PPP2R2B: variants seen among roughly 807,000 people sequenced by gnomAD.
PPP2R2B encodes serine/threonine-protein phosphatase 2A 55 kDa regulatory subunit B beta isoform.
A neutral mutation model predicts 46.0 loss-of-function variants in PPP2R2B; 5 were observed. The ratio of observed to expected loss-of-function variants is 0.11; its 90% CI spans 0.06 to 0.23. The LOEUF (loss-of-function observed/expected upper bound fraction) is 0.23, where lower values mean the gene tolerates loss of function less well. Ranked by LOEUF, PPP2R2B falls within the 10% of genes least tolerant of loss-of-function variation. The pLI is 1.00. For synonymous variants in PPP2R2B, 215 were observed against 206.7 expected, an observed-to-expected ratio of 1.04 and a Z score of -0.34; for missense variants, 367 against 575.0, an observed-to-expected ratio of 0.64 and a Z score of 3.70.
At chr5:146,783,494 G>A (rs1362677690) in intron 2 of PPP2R2B, among the ~76,000 whole-genome samples, 2 of 152,122 alleles carry the variant, frequency 1.3e-5, no homozygotes, top group Non-Finnish European at 2.9e-5. Flanking sequence ...AATAGCATAA[G>A]CAATTTAAAA....
At chr5:146,994,909 C>T (rs1209872412) in intron 1 of PPP2R2B, among the ~76,000 whole-genome samples, 1 of 152,156 alleles carries the variant, frequency 6.6e-6, no homozygotes, top group African/African-American at 2.4e-5. Context: ...TAGGCAATTA[C>T]AATGCAGGGT....
chr5:147,006,195 ACT>A (rs907504336), intron 1 of PPP2R2B, among the ~76,000 whole-genome samples: 42 of 152,296 alleles, frequency 2.8e-4, no homozygotes, highest in African/African-American at 8.7e-4. Flanking sequence ...TGATAAGGAA[ACT>A]CTTGTAGAAG....
intron 2 of PPP2R2B, among the ~76,000 whole-genome samples, chr5:146,809,205 G>GA (rs1757380072): frequency 6.6e-6 from 1 of 152,132 alleles, no homozygotes; most frequent in Non-Finnish European, 1.5e-5. Context: ...TGGCCGTCAG[G>GA]CTTTCTGCTT....
At chr5:146,865,714 T>G (rs959146172) in intron 2 of PPP2R2B, among the ~76,000 whole-genome samples, 1 of 152,216 alleles carries the variant, frequency 6.6e-6, no homozygotes, top group Admixed American at 6.5e-5. Flanking sequence ...TCTAATGAGC[T>G]GTCAAACATT....
At chr5:146,856,463 A>T (rs1469203281) in intron 2 of PPP2R2B, 2 of 1,470,046 alleles carry the variant, frequency 1.4e-6, no homozygotes, top group Admixed American at 1.7e-5. Flanking sequence ...CTGCTACTTT[A>T]TCAAGAAGAG....
At chr5:146,801,186 G>T (rs1364126303) in intron 2 of PPP2R2B, among the ~76,000 whole-genome samples, 1 of 152,122 alleles carries the variant, frequency 6.6e-6, no homozygotes, top group East Asian at 1.9e-4. Flanking sequence ...TGGGGAAGGA[G>T]AACATGTTGG....
At chr5:146,684,174 G>A (rs1263971317) in intron 5 of PPP2R2B, among the ~76,000 whole-genome samples, 2 of 152,126 alleles carry the variant, frequency 1.3e-5, no homozygotes, top group South Asian at 4.1e-4. Context: ...AACCATAAAA[G>A]GATTGGATGT....
chr5:146,994,555 T>G (rs1753842253), intron 1 of PPP2R2B, among the ~76,000 whole-genome samples: 1 of 152,142 alleles, frequency 6.6e-6, no homozygotes, highest in Admixed American at 6.5e-5. Flanking sequence ...GTAGACCATA[T>G]AACTCAGCCT....
At chr5:147,021,160 T>C (rs1484530612) in intron 1 of PPP2R2B, among the ~76,000 whole-genome samples, 1 of 152,174 alleles carries the variant, frequency 6.6e-6, no homozygotes, top group Non-Finnish European at 1.5e-5. Flanking sequence ...ATCCCTATTT[T>C]TGAATATCAA....
chr5:147,005,451 C>T (rs1754391541), intron 1 of PPP2R2B, among the ~76,000 whole-genome samples: 1 of 152,186 alleles, frequency 6.6e-6, no homozygotes, highest in Non-Finnish European at 1.5e-5. Context: ...ATCCTACATG[C>T]CCATGCTGCA....
chr5:147,056,093 C>T (rs1465344201), upstream of PPP2R2B: 51 of 1,064,316 alleles, frequency 4.8e-5, no homozygotes, highest in Non-Finnish European at 5.7e-5. Flanking sequence ...TACCTTTTCC[C>T]GTGTGGTGAG....
intron 2 of PPP2R2B, among the ~76,000 whole-genome samples, chr5:146,713,973 A>G (rs1428757678): frequency 6.6e-6 from 1 of 152,158 alleles, no homozygotes; most frequent in Non-Finnish European, 1.5e-5. Context: ...GCATTCAGAT[A>G]GTGTTTAAAG....
At chr5:146,964,346 G>C (rs1752311013) in intron 1 of PPP2R2B, among the ~76,000 whole-genome samples, 1 of 152,112 alleles carries the variant, frequency 6.6e-6, no homozygotes, top group African/African-American at 2.4e-5. Flanking sequence ...ATTCCCTTTT[G>C]GGAGATTTAT....
chr5:146,924,386 G>T (rs1763711530), intron 1 of PPP2R2B, among the ~76,000 whole-genome samples: 1 of 152,150 alleles, frequency 6.6e-6, no homozygotes, highest in Admixed American at 6.5e-5. Flanking sequence ...AAAGTATAAT[G>T]GTAGCTGCCT....
At chr5:146,800,468 T>C (rs1756794556) in intron 2 of PPP2R2B, among the ~76,000 whole-genome samples, 1 of 152,172 alleles carries the variant, frequency 6.6e-6, no homozygotes, top group African/African-American at 2.4e-5. Flanking sequence ...ATTAATTTTC[T>C]CTGCTTCCTC....
intron 2 of PPP2R2B, among the ~76,000 whole-genome samples, chr5:146,735,187 T>A (rs575431728): frequency 6.6e-6 from 1 of 152,246 alleles, no homozygotes; most frequent in South Asian, 2.1e-4. Context: ...GGTAGCACAA[T>A]AAATAACAGG....
chr5:146,943,485 C>G (rs142189262), intron 1 of PPP2R2B, among the ~76,000 whole-genome samples: 1 of 152,140 alleles, frequency 6.6e-6, no homozygotes, highest in Non-Finnish European at 1.5e-5. Flanking sequence ...CCCATTCAGC[C>G]CATGAGGTTG....
At chr5:146,928,454 T>C (rs962710655) in intron 1 of PPP2R2B, among the ~76,000 whole-genome samples, 1 of 152,014 alleles carries the variant, frequency 6.6e-6, no homozygotes. Flanking sequence ...TCTGCTCAGA[T>C]GCTCAGACCA....
At chr5:146,658,224 G>A (rs2151104098) in intron 5 of PPP2R2B, among the ~76,000 whole-genome samples, 1 of 152,302 alleles carries the variant, frequency 6.6e-6, no homozygotes, top group South Asian at 2.1e-4. Context: ...TGGGACCACA[G>A]GTTTGAGGCC....
Sources: gnomAD v4.1 joint callset for allele counts (sites outside exome capture counted in the v4.1 genomes callset) on GRCh38, gnomAD v4.1.1 for gene constraint, MANE v1.5 for transcripts, NCBI Gene and HGNC (gene_info 2026-07-23, HGNC 2026-07-21) for gene names.